Variants in ZNF33B observed in about 807,000 individuals in gnomAD.
ZNF33B encodes zinc finger protein 33B.
Under a neutral mutation model 45.8 loss-of-function variants are expected in ZNF33B, and 29 were observed. That is an observed-to-expected ratio of 0.63 (90% CI 0.47 to 0.86). The LOEUF (loss-of-function observed/expected upper bound fraction) is 0.86. Ranked by LOEUF, ZNF33B falls within the 40% of genes least tolerant of loss-of-function variation. The probability of loss-of-function intolerance (pLI) is 0.00; values close to 1 mark genes in which losing one functional copy is unlikely to be tolerated. For missense variants in ZNF33B, 831 were observed against 909.9 expected (o/e 0.91, Z 1.12); for synonymous variants, 305 against 307.8 (o/e 0.99, Z 0.10).
At chr10:42,635,763 T>C (rs574944100) in intron 2 of ZNF33B, among the ~76,000 whole-genome samples, 2 of 150,320 alleles carry the variant, frequency 1.3e-5, no homozygotes, top group East Asian at 2.0e-4. Context: ...TGAGCCGAGA[T>C]TGCATCACTG....
chr10:42,620,911 A>G (rs1838550185), intron 4 of ZNF33B, among the ~76,000 whole-genome samples: 1 of 152,198 alleles, frequency 6.6e-6, no homozygotes, highest in African/African-American at 2.4e-5. Flanking sequence ...ATATATGAAT[A>G]AAGGGTCGTT....
intron 1 of ZNF33B, among the ~76,000 whole-genome samples, chr10:42,580,307 C>A (rs1836805921): frequency 6.6e-6 from 1 of 152,138 alleles, no homozygotes; most frequent in Non-Finnish European, 1.5e-5. Flanking sequence ...GTGATGCAAT[C>A]TCAGCTCACT....
intron 4 of ZNF33B, among the ~76,000 whole-genome samples, chr10:42,595,988 G>GA (rs957497526): frequency 1.3e-5 from 2 of 151,298 alleles, no homozygotes; most frequent in Admixed American, 6.6e-5. Flanking sequence ...GAATGAAACA[G>GA]AAAAAAGAGA....
At chr10:42,609,253 A>C (rs1838001547) in intron 4 of ZNF33B, among the ~76,000 whole-genome samples, 1 of 152,062 alleles carries the variant, frequency 6.6e-6, no homozygotes, top group Middle Eastern at 3.4e-3. Context: ...CCCTCTCTAT[A>C]AAAAAATTAC....
chr10:42,593,779 C>G lies in ZNF33B; in HGVS notation c.1171G>C (p.Gly391Arg), dbSNP rs751890288. ...GEKPFECNEC[G>R]KAFSHKSALT... ...GCTGACTTATGGCTAAAGGCTTTCC[C>G]ACATTCATTGCATTCAAAAGGTTTC... Residue 391 changes from glycine to arginine, a missense_variant, in exon 5 of 5, where the codon GGG (glycine) becomes CGG (arginine). Coordinates refer to ENST00000359467, the MANE Select transcript of ZNF33B (RefSeq NM_006955.3). 5.0e-6 allele frequency: 8 copies of G among 1,613,822 alleles called. No individual in the cohort carries two copies. The highest frequency in any genetic ancestry group is 6.8e-6 in the Non-Finnish European group (8 of 1,179,932).
At chr10:42,588,957 C>T (rs1836993277), downstream of ZNF33B, 1 of 157,588 alleles carries the variant, frequency 6.3e-6, no homozygotes, top group South Asian at 2.0e-4. Flanking sequence ...AATACTAGTC[C>T]TTAATTTCAG....
chr10:42,602,222 C>A (rs1055858046), intron 4 of ZNF33B, among the ~76,000 whole-genome samples: 10 of 151,986 alleles, frequency 6.6e-5, no homozygotes, highest in African/African-American at 2.4e-4. Context: ...ACACCAATGA[C>A]TGGCCATGTA....
At chr10:42,611,997 G>C (rs1363067678) in intron 4 of ZNF33B, among the ~76,000 whole-genome samples, 2 of 152,032 alleles carry the variant, frequency 1.3e-5, no homozygotes. Context: ...AGAGTGAAGA[G>C]ACAGGACATC....
rs557448727 is a variant in ZNF33B, at chr10:42,606,333, C to T, written c.251-11634G>A. 1.5e-4 allele frequency among the ~76,000 whole-genome samples: 23 copies of T among 151,900 alleles called. No homozygotes were observed. The East Asian group carries it at 3.3e-3, about 22-fold the overall frequency. ...CACAAAAATTAGCTGGGTGTGGTGG[C>T]GCATGCCTGTAATCCTAGCAACTCG... is the stretch of plus-strand genomic sequence containing the variant. On this transcript the variant is annotated intron_variant, in intron 4 of 4. Transcript: ENST00000359467.
At chr10:42,583,044 G>A (rs1836856735) in intron 1 of ZNF33B, 3 of 836,026 alleles carry the variant, frequency 3.6e-6, no homozygotes, top group Non-Finnish European at 6.2e-6. Flanking sequence ...TGGTGTGGCA[G>A]GCAGTGCAGA....
intron 4 of ZNF33B, among the ~76,000 whole-genome samples, chr10:42,599,894 A>G: frequency 6.6e-6 from 1 of 152,238 alleles, no homozygotes; most frequent in African/African-American, 2.4e-5. Flanking sequence ...TCATTAACCC[A>G]AAGTTCAAAA....
chr10:42,600,650 A>G (rs1203427380), intron 4 of ZNF33B, among the ~76,000 whole-genome samples: 2 of 152,148 alleles, frequency 1.3e-5, no homozygotes, highest in African/African-American at 2.4e-5. Flanking sequence ...GGTGTTATAT[A>G]CCATTTATAT....
intron 1 of ZNF33B, among the ~76,000 whole-genome samples, chr10:42,577,290 T>G (rs540728449): frequency 1.1e-4 from 16 of 152,110 alleles, no homozygotes; most frequent in Non-Finnish European, 2.2e-4. Flanking sequence ...CTGTTCAATC[T>G]CCCCACTGGT....
intron 1 of ZNF33B, among the ~76,000 whole-genome samples, chr10:42,638,083 C>G (rs1278255174): frequency 6.6e-6 from 1 of 152,356 alleles, no homozygotes; most frequent in East Asian, 1.9e-4. Context: ...GAACGCAGAA[C>G]GGGCAACAGA....
At chr10:42,576,280 C>T (rs761224137) in intron 1 of ZNF33B, among the ~76,000 whole-genome samples, 11 of 152,152 alleles carry the variant, frequency 7.2e-5, no homozygotes, top group South Asian at 2.1e-4. Flanking sequence ...TGAGCCACTG[C>T]GCCCGGCCAC....
chr10:42,583,310 C>A, intron 1 of ZNF33B: 1 of 441,896 alleles, frequency 2.3e-6, no homozygotes, highest in Non-Finnish European at 4.2e-6. Context: ...TCAGAGGAAC[C>A]GATTCCCTGG....
At chr10:42,608,134 G>C (rs569214633) in intron 4 of ZNF33B, among the ~76,000 whole-genome samples, 1 of 151,988 alleles carries the variant, frequency 6.6e-6, no homozygotes, top group Non-Finnish European at 1.5e-5. Context: ...ACAATAAAAG[G>C]GTCAATCGAT....
intron 4 of ZNF33B, among the ~76,000 whole-genome samples, chr10:42,631,024 A>G (rs1038219769): frequency 1.3e-5 from 2 of 152,176 alleles, no homozygotes; most frequent in Admixed American, 1.3e-4. Context: ...TGGCTCACAC[A>G]GTCATTTCAT....
At chr10:42,585,677 T>A (rs776811693), downstream of ZNF33B, among the ~76,000 whole-genome samples, 13 of 152,366 alleles carry the variant, frequency 8.5e-5, no homozygotes, top group Admixed American at 7.2e-4. Flanking sequence ...AGCAACTCCA[T>A]GAAATCACTG....
Sources: allele counts gnomAD v4.1 joint callset (sites outside exome capture counted in the v4.1 genomes callset), GRCh38; gene constraint gnomAD v4.1.1; transcripts MANE v1.5; gene names NCBI Gene and HGNC (gene_info 2026-07-23, HGNC 2026-07-21).